PLEKHH2: variants seen among roughly 807,000 people sequenced by gnomAD.
PLEKHH2 encodes the protein pleckstrin homology domain-containing family H member 2.
PLEKHH2 carries 129 observed loss-of-function variants against 187.9 expected under a neutral mutation model. The observed-to-expected ratio is 0.69, with a 90% CI of 0.59 to 0.79. The LOEUF is 0.79. Among genes scored for constraint, PLEKHH2 ranks in the 30% least tolerant of loss-of-function variants. The probability of loss-of-function intolerance (pLI) is 0.00; values close to 1 mark genes in which losing one functional copy is unlikely to be tolerated. For synonymous variants in PLEKHH2, 686 were observed against 605.6 expected, an observed-to-expected ratio of 1.13 and a Z score of -1.95; for missense variants, 2,076 against 1,751.2, an observed-to-expected ratio of 1.19 and a Z score of -3.31.
intron 3 of PLEKHH2, among the ~76,000 whole-genome samples, chr2:43,686,744 A>T (rs552180495): frequency 6.6e-6 from 1 of 152,346 alleles, no homozygotes; most frequent in African/African-American, 2.4e-5. Flanking sequence ...TTTGCATTAA[A>T]CATATAAAAA....
At chr2:43,711,978 T>C (rs2104520726) in intron 14 of PLEKHH2, 2 of 1,198,466 alleles carry the variant, frequency 1.7e-6, no homozygotes, top group East Asian at 4.6e-5. Flanking sequence ...AGATATAAAA[T>C]CATAACCCCA....
chr2:43,639,519 A>G (rs1346881785), intron 1 of PLEKHH2, among the ~76,000 whole-genome samples: 2 of 152,146 alleles, frequency 1.3e-5, no homozygotes, highest in Non-Finnish European at 1.5e-5. Flanking sequence ...GACTCATACA[A>G]TATGTGGCCT....
At chr2:43,754,252 C>T (rs939595196) in intron 25 of PLEKHH2, among the ~76,000 whole-genome samples, 49 of 151,652 alleles carry the variant, frequency 3.2e-4, no homozygotes, top group African/African-American at 1.2e-3. Flanking sequence ...TTAGCGCTCA[C>T]ATAGAGAGCG....
intron 2 of PLEKHH2, among the ~76,000 whole-genome samples, chr2:43,645,295 A>T (rs574662562): frequency 2.6e-5 from 4 of 152,282 alleles, no homozygotes; most frequent in Admixed American, 2.6e-4. Context: ...TGTAATTAGA[A>T]TTTCATTTAT....
chr2:43,744,440 A>C (rs1671692935), intron 23 of PLEKHH2, among the ~76,000 whole-genome samples: 1 of 152,212 alleles, frequency 6.6e-6, no homozygotes, highest in Admixed American at 6.5e-5. Flanking sequence ...AGCTTTATAC[A>C]CAGATAACCT....
At chr2:43,637,947 C>T (rs892452780) in intron 1 of PLEKHH2, among the ~76,000 whole-genome samples, 10 of 152,240 alleles carry the variant, frequency 6.6e-5, no homozygotes, top group African/African-American at 9.6e-5. Context: ...TAAAGGACAA[C>T]ACTTTTTACC....
chr2:43,728,793 C>A (rs1015280248), intron 17 of PLEKHH2, among the ~76,000 whole-genome samples: 2 of 151,992 alleles, frequency 1.3e-5, no homozygotes, highest in Non-Finnish European at 2.9e-5. Context: ...AACCCCTGAC[C>A]TCAGATGATC....
chr2:43,699,961 A>G lies in PLEKHH2; in HGVS notation c.1003A>G (p.Ile335Val), dbSNP rs143061215. The G allele has an allele frequency of 3.9e-5, 63 of 1,614,188 alleles. 1 individual carries two copies. In the Admixed American group the frequency reaches 1.0e-3, roughly 26 times the overall value. ...GACAGCATCTGATGACAGCAGCTCT[A>G]TATTTGAGGAAGAGACTTTTGGCAT... ...YLTASDDSSS[I>V]FEEETFGIKR... Residue 335 changes from isoleucine to valine, a missense_variant, in exon 8 of 30, where the codon ATA becomes GTA. Physicochemically the swap from Ile to Val is conservative, Grantham distance 29. Coordinates refer to ENST00000282406, the MANE Select transcript of PLEKHH2 (RefSeq NM_172069.4).
chr2:43,745,907 A>G lies in PLEKHH2; in HGVS notation c.3597A>G (p.Glu1199=). ...IISKWEQASK[E]QQPGKCEGTR... The stretch of plus-strand genomic sequence containing the variant: ...CCAAATGGGAACAGGCTTCCAAAGA[A>G]CAGCAGCCTGGAAAATGTGAAGGTA... Residue 1199 remains glutamate, a synonymous_variant, in exon 24 of 30, where the codon GAA becomes GAG. Coordinates refer to ENST00000282406, the MANE Select transcript of PLEKHH2 (RefSeq NM_172069.4). 1 of 1,613,226 alleles carries G rather than the reference A, an allele frequency of 6.2e-7. No individual in the cohort carries two copies. The highest frequency in any genetic ancestry group is 8.5e-7 in the Non-Finnish European group (1 of 1,179,434).
intron 11 of PLEKHH2, among the ~76,000 whole-genome samples, chr2:43,709,186 A>G (rs1669821237): frequency 6.6e-6 from 1 of 152,224 alleles, no homozygotes; most frequent in Non-Finnish European, 1.5e-5. Context: ...GTTTGTTTAT[A>G]TCTTTCAATC....
At chr2:43,675,929 C>G in intron 2 of PLEKHH2, 3 of 1,614,012 alleles carry the variant, frequency 1.9e-6, no homozygotes, top group African/African-American at 1.3e-5. Flanking sequence ...TAGTTGTCAC[C>G]ATACTTTTCA....
intron 3 of PLEKHH2, among the ~76,000 whole-genome samples, chr2:43,682,490 A>G (rs1306011420): frequency 4.0e-5 from 6 of 151,872 alleles, no homozygotes; most frequent in Non-Finnish European, 8.8e-5. Context: ...GTATTTTTAG[A>G]GAGATGGGGT....
chr2:43,686,505 T>C (rs907342035), intron 3 of PLEKHH2, among the ~76,000 whole-genome samples: 1 of 152,182 alleles, frequency 6.6e-6, no homozygotes, highest in Non-Finnish European at 1.5e-5. Flanking sequence ...CCTGAAGTCA[T>C]TTTTGACTCT....
intron 20 of PLEKHH2, among the ~76,000 whole-genome samples, chr2:43,739,953 G>A (rs948417049): frequency 3.9e-5 from 6 of 152,066 alleles, no homozygotes; most frequent in Admixed American, 6.6e-5. Flanking sequence ...AAGTTAATAC[G>A]TGGTATTACC....
intron 3 of PLEKHH2, among the ~76,000 whole-genome samples, chr2:43,684,820 A>AG (rs34020500): frequency 2.1e-5 from 2 of 94,076 alleles, no homozygotes; most frequent in Non-Finnish European, 3.9e-5. Context: ...TCCCATTACC[A>AG]AAAAAAAAAA....
chr2:43,667,865 T>G (rs776368453), intron 2 of PLEKHH2, among the ~76,000 whole-genome samples: 17 of 152,170 alleles, frequency 1.1e-4, no homozygotes, highest in Non-Finnish European at 2.1e-4. Context: ...TAAATGGTGC[T>G]AATAGTTCCA....
chr2:43,709,992 G>T lies in PLEKHH2; in HGVS notation c.1969G>T (p.Val657Leu), dbSNP rs767012710. Residue 657 changes from valine to leucine, a missense_variant and splice_region_variant, in exon 12 of 30, where the codon GTG becomes TTG. Transcript: ENST00000282406. The stretch of plus-strand genomic sequence containing the variant: ...GATTTCTTTCTTTGTTCTCTTAGGT[G>T]TGTCTCTCTCCTCTGTGGCTTCTGA... ...PGSPRAMKRGVSLSSVASESD... is the reference protein window; with the variant it reads ...PGSPRAMKRGLSLSSVASESD... 6.2e-7 allele frequency: 1 copy of T among 1,606,028 alleles called. No individual in the cohort carries two copies. Among genetic ancestry groups the T allele is most frequent in the African/African-American group, 1.3e-5 (1 of 74,430 alleles).
intron 2 of PLEKHH2, among the ~76,000 whole-genome samples, chr2:43,655,541 T>G (rs150888947): frequency 6.1e-4 from 93 of 152,318 alleles, no homozygotes; most frequent in Non-Finnish European, 1.1e-3. Flanking sequence ...TGATGGACAA[T>G]GGAAGATGCT....
intron 2 of PLEKHH2, among the ~76,000 whole-genome samples, chr2:43,668,923 C>G (rs1055452864): frequency 6.6e-6 from 1 of 152,146 alleles, no homozygotes; most frequent in Non-Finnish European, 1.5e-5. Flanking sequence ...TGATATTATG[C>G]ACAAAGGTGG....
Sources: gnomAD v4.1 joint callset for allele counts (sites outside exome capture counted in the v4.1 genomes callset) on GRCh38, gnomAD v4.1.1 for gene constraint, MANE v1.5 for transcripts, NCBI Gene and HGNC (gene_info 2026-07-23, HGNC 2026-07-21) for gene names.